CTNNA2: variants seen among roughly 807,000 people sequenced by gnomAD.
The protein encoded by CTNNA2 is catenin alpha 2, also known as catenin alpha-2.
In CTNNA2, 42 loss-of-function variants were observed where a neutral mutation model predicts 101.0. The ratio of observed to expected loss-of-function variants is 0.42; its 90% CI spans 0.32 to 0.54. The LOEUF is 0.54. CTNNA2 is among the 20% of genes least tolerant of loss of function. The pLI, the probability that CTNNA2 is intolerant of heterozygous loss-of-function variation, is 0.14. For synonymous variants in CTNNA2, 450 were observed against 456.4 expected (o/e 0.99, Z 0.18); for missense variants, 871 against 1,223.1 (o/e 0.71, Z 4.29).
intron 3 of CTNNA2, among the ~76,000 whole-genome samples, chr2:79,772,777 C>A (rs558398336): frequency 6.6e-6 from 1 of 152,222 alleles, no homozygotes; most frequent in South Asian, 2.1e-4. Context: ...GTTGTCCAGG[C>A]TGGTCTTGAA....
chr2:80,087,859 CCTCT>C (rs200245039), intron 7 of CTNNA2, among the ~76,000 whole-genome samples: 1 of 151,024 alleles, frequency 6.6e-6, no homozygotes, highest in Non-Finnish European at 1.5e-5. Context: ...TTGGTTTATT[CCTCT>C]CTCTCTCTCT....
At chr2:80,018,403 C>A (rs1036729325) in intron 7 of CTNNA2, among the ~76,000 whole-genome samples, 4 of 152,130 alleles carry the variant, frequency 2.6e-5, no homozygotes, top group African/African-American at 9.7e-5. Context: ...TGATTTTGTG[C>A]CTTTCACCAC....
chr2:79,433,606 T>A (rs1678679322), intron 4 of CTNNA2, among the ~76,000 whole-genome samples: 1 of 132,214 alleles, frequency 7.6e-6, no homozygotes. Flanking sequence ...AAAGATGAGC[T>A]CACTGTATGC....
At chr2:79,576,754 A>T (rs931717143) in intron 1 of CTNNA2, among the ~76,000 whole-genome samples, 2 of 152,194 alleles carry the variant, frequency 1.3e-5, no homozygotes, top group Non-Finnish European at 2.9e-5. Context: ...TCTTGAGTTT[A>T]AATAAAAAGT....
chr2:79,605,895 C>A (rs1677857523), intron 1 of CTNNA2, among the ~76,000 whole-genome samples: 2 of 151,940 alleles, frequency 1.3e-5, no homozygotes, highest in Non-Finnish European at 2.9e-5. Context: ...CACCACTGCA[C>A]TCTAGCCTGG....
chr2:80,349,541 G>A (rs1673088193), intron 7 of CTNNA2, among the ~76,000 whole-genome samples: 1 of 152,100 alleles, frequency 6.6e-6, no homozygotes, highest in Non-Finnish European at 1.5e-5. Context: ...CAGAAGCAGA[G>A]ATCTTCCCAC....
At chr2:79,595,991 A>G (rs1169000367) in intron 1 of CTNNA2, among the ~76,000 whole-genome samples, 1 of 150,786 alleles carries the variant, frequency 6.6e-6, no homozygotes. Context: ...TAATGCCTAC[A>G]TGCTTCTATT....
chr2:80,130,307 G>A (rs564713611), intron 7 of CTNNA2, among the ~76,000 whole-genome samples: 1 of 152,266 alleles, frequency 6.6e-6, no homozygotes, highest in South Asian at 2.1e-4. Context: ...TAAAGCCCTA[G>A]AATTTCTGCA....
intron 10 of CTNNA2, among the ~76,000 whole-genome samples, chr2:80,545,541 T>G (rs1181913970): frequency 1.3e-5 from 2 of 152,186 alleles, no homozygotes; most frequent in African/African-American, 4.8e-5. Flanking sequence ...TTGTTCTATT[T>G]GTTTTGGGTT....
chr2:80,218,904 T>G (rs1244508385), intron 7 of CTNNA2, among the ~76,000 whole-genome samples: 1 of 152,208 alleles, frequency 6.6e-6, no homozygotes, highest in African/African-American at 2.4e-5. Flanking sequence ...TGAGAAATAT[T>G]TAATCGTATC....
rs1698261919 is a variant in CTNNA2, at chr2:80,070,520, A to C, written c.1056+160723A>C. On this transcript the variant is annotated intron_variant, in intron 7 of 18. Transcript: ENST00000402739. ...CCAGGAGTTTAACACCAGCCTGAGA[A>C]ACACAGTGAGACTTTGTCTCTACAA... Among the ~76,000 whole-genome samples, 3 of 152,044 alleles carry C rather than the reference A, an allele frequency of 2.0e-5. No individual in the cohort carries two copies. In the South Asian group the frequency reaches 6.2e-4, roughly 32 times the overall value.
chr2:80,224,663 C>T (rs1301917738), intron 7 of CTNNA2, among the ~76,000 whole-genome samples: 1 of 151,984 alleles, frequency 6.6e-6, no homozygotes, highest in Admixed American at 6.6e-5. Context: ...CCAGGATGGT[C>T]TCAATCTCCT....
At chr2:79,932,569 C>T (rs898918067) in intron 7 of CTNNA2, among the ~76,000 whole-genome samples, 1 of 151,602 alleles carries the variant, frequency 6.6e-6, no homozygotes, top group African/African-American at 2.4e-5. Context: ...GTAAGTGAGC[C>T]AGTTATTGAA....
chr2:79,286,590 C>T (rs1437185127), intron 2 of CTNNA2, among the ~76,000 whole-genome samples: 1 of 152,192 alleles, frequency 6.6e-6, no homozygotes, highest in African/African-American at 2.4e-5. Context: ...CCCCCACTCT[C>T]TTCTGGCTTG....
intron 7 of CTNNA2, among the ~76,000 whole-genome samples, chr2:80,188,877 A>C (rs912629958): frequency 1.4e-5 from 2 of 147,230 alleles, no homozygotes; most frequent in African/African-American, 5.0e-5. Context: ...TCTTTGGGGG[A>C]GTGCCTACCA....
chr2:80,064,655 T>G (rs1461914155), intron 7 of CTNNA2, among the ~76,000 whole-genome samples: 2 of 152,226 alleles, frequency 1.3e-5, no homozygotes, highest in African/African-American at 4.8e-5. Context: ...CTCCTCCATG[T>G]GGTTTCCACA....
At chr2:80,412,453 A>G (rs1244779446) in intron 8 of CTNNA2, among the ~76,000 whole-genome samples, 4 of 152,240 alleles carry the variant, frequency 2.6e-5, no homozygotes, top group Non-Finnish European at 5.9e-5. Flanking sequence ...CATGAGGAGT[A>G]GACTACTGTT....
chr2:79,842,815 A>G (rs1426123688), intron 3 of CTNNA2, among the ~76,000 whole-genome samples: 1 of 152,172 alleles, frequency 6.6e-6, no homozygotes, highest in Non-Finnish European at 1.5e-5. Context: ...AGTACATTAT[A>G]AAAGACAGCT....
At position 80,406,701 on chromosome 2, in the gene CTNNA2, C is replaced by T. The variant is rs185500364; in HGVS notation, c.1138-12748C>T. On this transcript the variant is annotated intron_variant, in intron 8 of 18. Coordinates refer to ENST00000402739, the MANE Select transcript of CTNNA2 (RefSeq NM_001282597.3). ...AATTAGCCGGGTGTGGTGGCGGGCG[C>T]CTGTAGTCCCAGCTACTCGGGAGGC... Among the ~76,000 whole-genome samples, 159 of 151,608 alleles carry T rather than the reference C, an allele frequency of 1.0e-3. 1 individual carries two copies. Among genetic ancestry groups the T allele is most frequent in the African/African-American group, 3.2e-3 (131 of 41,424 alleles).
Sources: gnomAD v4.1 joint callset for allele counts (sites outside exome capture counted in the v4.1 genomes callset) on GRCh38, gnomAD v4.1.1 for gene constraint, MANE v1.5 for transcripts, NCBI Gene and HGNC (gene_info 2026-07-23, HGNC 2026-07-21) for gene names.